FRMPD4: variants seen among roughly 807,000 people sequenced by gnomAD.
The protein encoded by FRMPD4 is FERM and PDZ domain containing 4, also known as FERM and PDZ domain-containing protein 4.
Under a neutral mutation model 94.1 loss-of-function variants are expected in FRMPD4, and 22 were observed. The ratio of observed to expected loss-of-function variants is 0.23; its 90% CI spans 0.17 to 0.33. FRMPD4 has a LOEUF of 0.33. Ranked by LOEUF, FRMPD4 falls within the 10% of genes least tolerant of loss-of-function variation. The probability of loss-of-function intolerance (pLI) is 1.00; values close to 1 mark genes in which losing one functional copy is unlikely to be tolerated. For missense variants in FRMPD4, 1,111 were observed against 1,339.9 expected, an observed-to-expected ratio of 0.83 and a Z score of 2.67; for synonymous variants, 631 against 548.6, an observed-to-expected ratio of 1.15 and a Z score of -2.10.
chrX:12,018,914 A>G (rs1020948528), intron 3 of FRMPD4, among the ~76,000 whole-genome samples: 3 of 112,074 alleles, frequency 2.7e-5, no homozygotes, highest in Non-Finnish European at 5.6e-5. Context: ...CTCTTACACA[A>G]AGTCCTTTGG....
At chrX:12,436,281 A>G (rs1459383345) in intron 1 of FRMPD4, among the ~76,000 whole-genome samples, 1 of 111,587 alleles carries the variant, frequency 9.0e-6, no homozygotes, top group Non-Finnish European at 1.9e-5. Flanking sequence ...CTGGGATTAC[A>G]GGCGTGAGTC....
At chrX:12,053,307 C>G (rs2054828952) in intron 3 of FRMPD4, among the ~76,000 whole-genome samples, 1 of 100,164 alleles carries the variant, frequency 1.0e-5, no homozygotes, top group African/African-American at 3.7e-5. Flanking sequence ...TCAGTGTATT[C>G]CAGCCTGGGT....
intron 1 of FRMPD4, among the ~76,000 whole-genome samples, chrX:12,437,880 T>C (rs73436756): frequency 0.018 from 2,016 of 111,944 alleles, 50 homozygotes; most frequent in African/African-American, 0.062. Flanking sequence ...TTCAGTTTCT[T>C]GGTTAGTTGT....
intron 1 of FRMPD4, among the ~76,000 whole-genome samples, chrX:11,854,044 C>T (rs1278485704): frequency 1.8e-5 from 2 of 112,102 alleles, no homozygotes; most frequent in African/African-American, 6.5e-5. Flanking sequence ...TTAATCGACT[C>T]ACAGTTCCAC....
intron 3 of FRMPD4, among the ~76,000 whole-genome samples, chrX:11,977,416 G>A (rs143927685): frequency 0.013 from 1,411 of 112,417 alleles, 24 homozygotes; most frequent in African/African-American, 0.043. Flanking sequence ...TTTAAAAGGC[G>A]TTGACTATCC....
chrX:12,544,891 G>GTC (rs1382203029), intron 2 of FRMPD4, among the ~76,000 whole-genome samples: 3 of 112,004 alleles, frequency 2.7e-5, no homozygotes, highest in African/African-American at 9.7e-5. Context: ...TCTACAAAAA[G>GTC]ACTGCAAACC....
At chrX:12,495,525 T>C (rs2057839132) in intron 1 of FRMPD4, among the ~76,000 whole-genome samples, 1 of 110,992 alleles carries the variant, frequency 9.0e-6, no homozygotes, top group Non-Finnish European at 1.9e-5. Context: ...GTGTGGAAGC[T>C]TGTTAAACAC....
At chrX:12,653,733 T>TA (rs35537156) in intron 4 of FRMPD4, among the ~76,000 whole-genome samples, 5,310 of 93,405 alleles carry the variant, frequency 0.057, 393 homozygotes, top group African/African-American at 0.19. Flanking sequence ...TATGACTTAC[T>TA]AAAAAAAAAA....
intron 2 of FRMPD4, among the ~76,000 whole-genome samples, chrX:12,608,942 CT>C (rs1326747119): frequency 6.0e-4 from 67 of 112,269 alleles, no homozygotes; most frequent in African/African-American, 2.0e-3. Context: ...CCACGTATAA[CT>C]TTGGATGCCC....
chrX:12,001,784 C>G (rs2147405897), intron 3 of FRMPD4, among the ~76,000 whole-genome samples: 1 of 112,118 alleles, frequency 8.9e-6, no homozygotes, highest in Non-Finnish European at 1.9e-5. Context: ...GAATTCTTCC[C>G]TATAAATGAA....
chrX:12,062,241 C>T (rs1056473783), intron 3 of FRMPD4, among the ~76,000 whole-genome samples: 3 of 111,491 alleles, frequency 2.7e-5, no homozygotes, highest in Non-Finnish European at 3.8e-5. Flanking sequence ...CAATGTATTG[C>T]GGTTATCTTT....
intron 1 of FRMPD4, among the ~76,000 whole-genome samples, chrX:12,421,273 C>T (rs2148086063): frequency 8.9e-6 from 1 of 111,937 alleles, no homozygotes; most frequent in East Asian, 2.8e-4. Context: ...CTTATAAAAA[C>T]CCTAATGACA....
At chrX:12,659,121 A>T (rs2059689390) in intron 4 of FRMPD4, among the ~76,000 whole-genome samples, 1 of 111,992 alleles carries the variant, frequency 8.9e-6, no homozygotes, top group Non-Finnish European at 1.9e-5. Flanking sequence ...GTTCCACCTT[A>T]GGGCCTTTGC....
At chrX:11,866,860 G>GA (rs1254582155) in intron 2 of FRMPD4, among the ~76,000 whole-genome samples, 1 of 110,898 alleles carries the variant, frequency 9.0e-6, no homozygotes, top group East Asian at 2.8e-4. Flanking sequence ...TTTAAGTGGG[G>GA]AAATATACTT....
chrX:11,961,967 T>C (rs1359764274), intron 3 of FRMPD4, among the ~76,000 whole-genome samples: 1 of 111,514 alleles, frequency 9.0e-6, no homozygotes, highest in African/African-American at 3.3e-5. Context: ...ACTGAAAAGA[T>C]AAAAAGAGAA....
intron 2 of FRMPD4, among the ~76,000 whole-genome samples, chrX:12,504,799 C>T (rs1279277328): frequency 1.8e-5 from 2 of 112,463 alleles, no homozygotes; most frequent in Non-Finnish European, 3.8e-5. Context: ...GTTTCATTTT[C>T]CCTATGTTTC....
intron 3 of FRMPD4, among the ~76,000 whole-genome samples, chrX:12,048,588 A>G (rs1180468832): frequency 9.0e-6 from 1 of 111,690 alleles, no homozygotes; most frequent in East Asian, 2.8e-4. Flanking sequence ...AGGTGTTTCC[A>G]AGTTTTTCTT....
intron 1 of FRMPD4, among the ~76,000 whole-genome samples, chrX:12,159,571 C>T (rs573333407): frequency 3.6e-5 from 4 of 112,185 alleles, no homozygotes; most frequent in African/African-American, 1.3e-4. Flanking sequence ...CAATATGTCT[C>T]CATGTTCTAT....
chrX:11,838,564 A>G (rs1295181887), intron 1 of FRMPD4, among the ~76,000 whole-genome samples: 1 of 110,896 alleles, frequency 9.0e-6, no homozygotes, highest in African/African-American at 3.3e-5. Context: ...CTATCATTTC[A>G]GTCTTAGTTT....
Sources: allele counts gnomAD v4.1 joint callset (sites outside exome capture counted in the v4.1 genomes callset), GRCh38; gene constraint gnomAD v4.1.1; transcripts MANE v1.5; gene names NCBI Gene and HGNC (gene_info 2026-07-23, HGNC 2026-07-21).